Variants in ENAH observed in about 807,000 individuals in gnomAD.
The protein encoded by ENAH is protein enabled homolog.
Under a neutral mutation model 78.7 loss-of-function variants are expected in ENAH, and 23 were observed. The ratio of observed to expected loss-of-function variants is 0.29; its 90% CI spans 0.21 to 0.41. ENAH has a LOEUF of 0.41. Ranked by LOEUF, ENAH falls within the 10% of genes least tolerant of loss-of-function variation. ENAH has a pLI of 1.00. For synonymous variants in ENAH, 226 were observed against 241.0 expected, an observed-to-expected ratio of 0.94 and a Z score of 0.58; for missense variants, 544 against 691.0, an observed-to-expected ratio of 0.79 and a Z score of 2.39.
chr1:225,581,842 C>G (rs2096819867), intron 1 of ENAH, among the ~76,000 whole-genome samples: 2 of 145,622 alleles, frequency 1.4e-5, no homozygotes, highest in South Asian at 4.3e-4. Flanking sequence ...GCACGCACCA[C>G]CACACCCAGC....
chr1:225,500,746 C>T (rs1313386483), intron 12 of ENAH, among the ~76,000 whole-genome samples: 2 of 152,186 alleles, frequency 1.3e-5, no homozygotes, highest in East Asian at 3.8e-4. Context: ...TACATTTACA[C>T]CTTATGCTGT....
intron 1 of ENAH, among the ~76,000 whole-genome samples, chr1:225,600,922 T>C (rs1171312437): frequency 6.6e-6 from 1 of 152,122 alleles, no homozygotes. Context: ...GGTAAAGCTA[T>C]ATGATGAGCA....
chr1:225,623,881 G>A (rs554977622), intron 1 of ENAH, among the ~76,000 whole-genome samples: 1 of 152,242 alleles, frequency 6.6e-6, no homozygotes, highest in Non-Finnish European at 1.5e-5. Context: ...AAGCCACCGG[G>A]CCCAGTCAGT....
chr1:225,651,653 AACCCAAAAGGAAGGCCTTT>A (rs1663031403), intron 1 of ENAH, among the ~76,000 whole-genome samples: 1 of 152,184 alleles, frequency 6.6e-6, no homozygotes, highest in Non-Finnish European at 1.5e-5. Context: ...ACAATTGTTT[AACCCAAAAGGAAGGCCTTT>A]AAGGATGATA....
chr1:225,646,386 C>A (rs1661965551), intron 1 of ENAH, among the ~76,000 whole-genome samples: 1 of 152,020 alleles, frequency 6.6e-6, no homozygotes. Context: ...ATCTCCCCGA[C>A]CCCAGGATTC....
At chr1:225,595,128 T>C (rs2096896123) in intron 1 of ENAH, among the ~76,000 whole-genome samples, 1 of 151,910 alleles carries the variant, frequency 6.6e-6, no homozygotes, top group Admixed American at 6.6e-5. Flanking sequence ...AGGTCAGGAG[T>C]TCGAGACCAG....
At chr1:225,604,786 C>T (rs951249715) in intron 1 of ENAH, among the ~76,000 whole-genome samples, 2 of 152,014 alleles carry the variant, frequency 1.3e-5, no homozygotes, top group African/African-American at 4.8e-5. Flanking sequence ...CAGCAAGACC[C>T]TGTCTCAAAC....
chr1:225,608,093 A>G (rs918131576), intron 1 of ENAH, among the ~76,000 whole-genome samples: 4 of 152,030 alleles, frequency 2.6e-5, no homozygotes, highest in Non-Finnish European at 5.9e-5. Flanking sequence ...CAAAGGGTCG[A>G]AAAAAAGATA....
chr1:225,596,159 T>C (rs1328890697), intron 1 of ENAH, among the ~76,000 whole-genome samples: 1 of 152,220 alleles, frequency 6.6e-6, no homozygotes, highest in East Asian at 1.9e-4. Context: ...AGACTCATGA[T>C]ATCTTTAATA....
chr1:225,537,452 T>G (rs1285714961), intron 3 of ENAH, among the ~76,000 whole-genome samples: 1 of 152,216 alleles, frequency 6.6e-6, no homozygotes, highest in Non-Finnish European at 1.5e-5. Context: ...TAAATTCTAC[T>G]GCAGTTTGCA....
Position 225,606,821 on chromosome 1 carries a change from C to T in ENAH, c.6-39407G>A, listed in dbSNP as rs898096614. 8.7e-5 allele frequency among the ~76,000 whole-genome samples: 10 copies of T among 114,856 alleles called. No homozygotes were observed. In the East Asian group the frequency reaches 1.8e-3, roughly 21 times the overall value. The allele number at this position is 114,856 out of a possible 152,430, so 75.3% of individuals were successfully genotyped here. ...TAACACCACTACACTCCATCCTGGA[C>T]GACAGTGCAAGACTCTGTCTCAAAA... On this transcript the variant is annotated intron_variant, in intron 1 of 13. Transcript: ENST00000366843.
chr1:225,517,975 C>T (rs1422287111), intron 5 of ENAH: 2 of 1,542,354 alleles, frequency 1.3e-6, no homozygotes, highest in Non-Finnish European at 8.7e-7. Context: ...ATACAGGGAG[C>T]TGTCTGAAGA....
At chr1:225,589,748 A>G (rs2096866366) in intron 1 of ENAH, among the ~76,000 whole-genome samples, 1 of 152,188 alleles carries the variant, frequency 6.6e-6, no homozygotes, top group South Asian at 2.1e-4. Flanking sequence ...TAAAGCAAAT[A>G]TAGTAAAATG....
At chr1:225,548,604 C>T (rs1275859402) in intron 3 of ENAH, among the ~76,000 whole-genome samples, 1 of 152,220 alleles carries the variant, frequency 6.6e-6, no homozygotes, top group Non-Finnish European at 1.5e-5. Flanking sequence ...AAAACCCAAT[C>T]CCCTTTGTGC....
Position 225,603,903 on chromosome 1 carries a change from AG to A in ENAH, c.6-36490del, listed in dbSNP as rs375929451. 7.3e-4 allele frequency among the ~76,000 whole-genome samples: 111 copies of A among 152,360 alleles called. 1 individual carries two copies. Among genetic ancestry groups the A allele is most frequent in the African/African-American group, 2.5e-3 (104 of 41,594 alleles). On this transcript the variant is annotated intron_variant, in intron 1 of 13. Transcript: ENST00000366843. ...TGCTGATCACTTAGAATCAACCACA[AG>A]GAACAAAAAAAGTATGGTGAAATCA...
chr1:225,609,268 G>GT (rs1207750179), intron 1 of ENAH, among the ~76,000 whole-genome samples: 1 of 152,096 alleles, frequency 6.6e-6, no homozygotes, highest in Middle Eastern at 3.4e-3. Flanking sequence ...TCTGAGCTGA[G>GT]TAAGTGATGA....
intron 1 of ENAH, among the ~76,000 whole-genome samples, chr1:225,577,233 A>G (rs906768912): frequency 1.3e-5 from 2 of 152,164 alleles, no homozygotes; most frequent in African/African-American, 4.8e-5. Flanking sequence ...CAACTAACTA[A>G]CCACTATCAC....
intron 1 of ENAH, among the ~76,000 whole-genome samples, chr1:225,635,216 T>C (rs1207056384): frequency 2.0e-5 from 3 of 152,218 alleles, no homozygotes; most frequent in African/African-American, 7.2e-5. Context: ...ATTGTTTTTA[T>C]ATAAAATTTA....
intron 10 of ENAH, among the ~76,000 whole-genome samples, chr1:225,510,916 G>A (rs943740342): frequency 6.6e-6 from 1 of 152,004 alleles, no homozygotes; most frequent in African/African-American, 2.4e-5. Flanking sequence ...AGGGGGCTGG[G>A]GGGCTAAGGT....
Sources: allele counts gnomAD v4.1 joint callset (sites outside exome capture counted in the v4.1 genomes callset), GRCh38; gene constraint gnomAD v4.1.1; transcripts MANE v1.5; gene names NCBI Gene and HGNC (gene_info 2026-07-23, HGNC 2026-07-21).